Variants in FYN observed in about 807,000 individuals in gnomAD.
The protein encoded by FYN is tyrosine-protein kinase Fyn.
Under a neutral mutation model 70.2 loss-of-function variants are expected in FYN, and 10 were observed. The observed-to-expected ratio is 0.14, with a 90% CI of 0.09 to 0.24. The LOEUF is 0.24. Ranked by LOEUF, FYN falls within the 10% of genes least tolerant of loss-of-function variation. The pLI is 1.00. For synonymous variants in FYN, 236 were observed against 248.6 expected, an observed-to-expected ratio of 0.95 and a Z score of 0.48; for missense variants, 319 against 673.1, an observed-to-expected ratio of 0.47 and a Z score of 5.82.
At chr6:111,815,737 G>A (rs1183752504) in intron 2 of FYN, among the ~76,000 whole-genome samples, 1 of 124,546 alleles carries the variant, frequency 8.0e-6, no homozygotes, top group Admixed American at 8.6e-5. Context: ...TCTTTTTTTT[G>A]AGACAGAGTC....
chr6:111,812,421 G>A (rs886637523), intron 2 of FYN, among the ~76,000 whole-genome samples: 6 of 152,110 alleles, frequency 3.9e-5, no homozygotes, highest in Non-Finnish European at 7.3e-5. Context: ...TCTACTGGCT[G>A]TAAATAACCC....
At chr6:111,841,576 A>G (rs62413718) in intron 2 of FYN, among the ~76,000 whole-genome samples, 6,645 of 152,282 alleles carry the variant, frequency 0.044, 308 homozygotes, top group African/African-American at 0.12. Context: ...CGAATAAGAT[A>G]ACATGTGGCC....
Position 111,801,852 on chromosome 6 carries a change from A to G in FYN, c.-81-21217T>C, listed in dbSNP as rs138243963. On this transcript the variant is annotated intron_variant, in intron 2 of 13. Transcript: ENST00000354650. ...GGCTTTGCCTCCATCTCAGCTCCCC[A>G]CAACTCCTGGCTTAAATCTGTTAGG... Among the ~76,000 whole-genome samples the G allele has an allele frequency of 9.0e-4, 137 of 152,310 alleles. 1 individual carries two copies. The highest frequency in any genetic ancestry group is 1.5e-3 in the Non-Finnish European group (100 of 68,030).
intron 2 of FYN, among the ~76,000 whole-genome samples, chr6:111,783,185 T>C (rs1771239991): frequency 6.6e-6 from 1 of 152,196 alleles, no homozygotes; most frequent in Non-Finnish European, 1.5e-5. Context: ...TTCAAACGAA[T>C]AGAGCATAAT....
chr6:111,681,167 A>G (rs951234046), intron 12 of FYN, among the ~76,000 whole-genome samples: 1 of 151,318 alleles, frequency 6.6e-6, no homozygotes, highest in African/African-American at 2.4e-5. Flanking sequence ...AGCTGGGACT[A>G]TTGGTGCACG....
intron 1 of FYN, among the ~76,000 whole-genome samples, chr6:111,871,977 G>A (rs925971606): frequency 6.6e-6 from 1 of 152,176 alleles, no homozygotes; most frequent in African/African-American, 2.4e-5. Context: ...GGAAAGAAAG[G>A]GAAGCCCCAG....
At chr6:111,716,057 T>G (rs1800629814) in intron 4 of FYN, among the ~76,000 whole-genome samples, 1 of 152,230 alleles carries the variant, frequency 6.6e-6, no homozygotes, top group Non-Finnish European at 1.5e-5. Flanking sequence ...TTAAGGCAAT[T>G]GCATATGTCT....
At chr6:111,772,346 A>C (rs1803484608) in intron 3 of FYN, among the ~76,000 whole-genome samples, 1 of 152,210 alleles carries the variant, frequency 6.6e-6, no homozygotes, top group African/African-American at 2.4e-5. Flanking sequence ...ACAATATTCC[A>C]AAGTAATAAC....
At chr6:111,688,792 T>A (rs1263417929) in intron 12 of FYN, among the ~76,000 whole-genome samples, 1 of 152,120 alleles carries the variant, frequency 6.6e-6, no homozygotes, top group Non-Finnish European at 1.5e-5. Flanking sequence ...CAACAGAGAA[T>A]GCAAATATGA....
chr6:111,724,489 A>G (rs1210154984), intron 3 of FYN, among the ~76,000 whole-genome samples: 9 of 152,224 alleles, frequency 5.9e-5, no homozygotes. Context: ...CAATCAATAA[A>G]GCAATGCCAG....
intron 3 of FYN, among the ~76,000 whole-genome samples, chr6:111,750,887 C>A (rs1171627632): frequency 6.6e-6 from 1 of 152,126 alleles, no homozygotes; most frequent in Non-Finnish European, 1.5e-5. Flanking sequence ...CAATGGCCAC[C>A]TTCACTTTTG....
intron 2 of FYN, among the ~76,000 whole-genome samples, chr6:111,829,848 T>C (rs893381508): frequency 6.6e-6 from 1 of 152,186 alleles, no homozygotes; most frequent in Non-Finnish European, 1.5e-5. Context: ...ACCCTGTGCC[T>C]GGCTTGGTGC....
intron 3 of FYN, among the ~76,000 whole-genome samples, chr6:111,733,036 G>A (rs1330397986): frequency 6.6e-6 from 1 of 152,094 alleles, no homozygotes; most frequent in Non-Finnish European, 1.5e-5. Context: ...ACACACGGAG[G>A]AAGTGAATCT....
At chr6:111,681,168 T>C (rs982598292) in intron 12 of FYN, among the ~76,000 whole-genome samples, 1 of 152,030 alleles carries the variant, frequency 6.6e-6, no homozygotes, top group Non-Finnish European at 1.5e-5. Flanking sequence ...GCTGGGACTA[T>C]TGGTGCACGC....
At chr6:111,824,892 T>C (rs867022029) in intron 2 of FYN, among the ~76,000 whole-genome samples, 2 of 152,334 alleles carry the variant, frequency 1.3e-5, no homozygotes, top group Middle Eastern at 3.4e-3. Context: ...AACCAATGCA[T>C]TTGTCAAAAA....
intron 12 of FYN, among the ~76,000 whole-genome samples, chr6:111,683,921 T>C (rs1798882592): frequency 6.6e-6 from 1 of 152,178 alleles, no homozygotes; most frequent in Admixed American, 6.5e-5. Flanking sequence ...AAACTCAGAA[T>C]TTTCACACTA....
chr6:111,686,556 T>C (rs1799015641), intron 12 of FYN, among the ~76,000 whole-genome samples: 1 of 152,156 alleles, frequency 6.6e-6, no homozygotes, highest in Non-Finnish European at 1.5e-5. Context: ...CTTAAGACAA[T>C]GGCTTGCATT....
At chr6:111,805,944 T>C (rs930535971) in intron 2 of FYN, among the ~76,000 whole-genome samples, 1 of 152,198 alleles carries the variant, frequency 6.6e-6, no homozygotes, top group Non-Finnish European at 1.5e-5. Context: ...TGTTTCTGCT[T>C]TTCCTAGTCT....
chr6:111,740,572 G>A (rs17808764), intron 3 of FYN, among the ~76,000 whole-genome samples: 5,782 of 152,172 alleles, frequency 0.038, 161 homozygotes, highest in East Asian at 0.14. Context: ...TTACTCCCAG[G>A]CTTAAAATGG....
Sources: allele counts gnomAD v4.1 joint callset (sites outside exome capture counted in the v4.1 genomes callset), GRCh38; gene constraint gnomAD v4.1.1; transcripts MANE v1.5; gene names NCBI Gene and HGNC (gene_info 2026-07-23, HGNC 2026-07-21).